Variants in NOC3L observed in about 807,000 individuals in gnomAD.
The protein encoded by NOC3L is nucleolar complex protein 3 homolog.
NOC3L carries 85 observed loss-of-function variants against 102.5 expected under a neutral mutation model. The ratio of observed to expected loss-of-function variants is 0.83; its 90% CI spans 0.70 to 0.99. The LOEUF (loss-of-function observed/expected upper bound fraction) is 0.99. Ranked by LOEUF, NOC3L falls within the 50% of genes least tolerant of loss-of-function variation. The pLI, the probability that NOC3L is intolerant of heterozygous loss-of-function variation, is 0.00. For missense variants in NOC3L, 878 were observed against 914.9 expected, an observed-to-expected ratio of 0.96 and a Z score of 0.52; for synonymous variants, 303 against 309.4, an observed-to-expected ratio of 0.98 and a Z score of 0.22.
At chr10:94,320,335 A>AAAAT in the NOC3L span, among the ~76,000 whole-genome samples, 5 of 151,878 alleles carry the variant, frequency 3.3e-5, no homozygotes, top group Non-Finnish European at 5.9e-5. Context: ...GAAAAAAGTT[A>AAAAT]AAATAGATTA....
chr10:94,325,020 CAAG>C, the NOC3L span: 1 of 1,614,160 alleles, frequency 6.2e-7, no homozygotes. Context: ...GTATCCAAAC[CAAG>C]GAGGAGAAAC....
At chr10:94,338,839 A>G (rs1371549506) in intron 17 of NOC3L, 103 bp from the exon 18 acceptor site, 42 of 975,270 alleles carry the variant, frequency 4.3e-5, no homozygotes, top group African/African-American at 1.8e-4. Context: ...ATGGTTGTAT[A>G]AGAGCTTTGC....
chr10:94,342,750 G>C (rs2054300553), intron 13 of NOC3L, among the ~76,000 whole-genome samples: 1 of 147,480 alleles, frequency 6.8e-6, no homozygotes, highest in African/African-American at 2.5e-5. Flanking sequence ...AAAAAAGCAA[G>C]TTACAGGACA....
chr10:94,344,923 G>A lies in NOC3L; in HGVS notation c.1400C>T (p.Ala467Val), dbSNP rs760527376. Residue 467 changes from alanine to valine, a missense_variant, in exon 12 of 21, where the codon GCA becomes GTA. Transcript: ENST00000371361. ...AAGCTCTCGCTCTAGTTTCTCTTCT[G>A]CTTTCTTCCACTGAAAATAGATTGA... ...LSRMQRKWKK[A>V]EEKLERELRE... 3 of 1,608,618 alleles carry A rather than the reference G, an allele frequency of 1.9e-6. No homozygotes were observed. The highest frequency in any genetic ancestry group is 1.1e-5 in the South Asian group (1 of 89,824).
At chr10:94,317,957 TAGAA>T in the NOC3L span, among the ~76,000 whole-genome samples, 330 of 152,326 alleles carry the variant, frequency 2.2e-3, no homozygotes, top group African/African-American at 7.6e-3. Context: ...GCTTGCCTGA[TAGAA>T]GGTGCCTCAG....
chr10:94,316,436 TAGAGTA>T, the NOC3L span: 4 of 719,804 alleles, frequency 5.6e-6, no homozygotes, highest in African/African-American at 5.2e-5. Context: ...TGCAATACTC[TAGAGTA>T]AATTTCACTT....
the NOC3L span, among the ~76,000 whole-genome samples, chr10:94,317,606 A>C: frequency 6.6e-6 from 1 of 152,214 alleles, no homozygotes; most frequent in Non-Finnish European, 1.5e-5. Flanking sequence ...GGCCTGAGTC[A>C]GAATTAGTAA....
downstream of NOC3L, chr10:94,330,960 A>G (rs1255620329): frequency 1.3e-5 from 2 of 152,230 alleles, no homozygotes; most frequent in Admixed American, 6.5e-5. Flanking sequence ...AGTTGGGGTC[A>G]TTACAAAATT....
the NOC3L span, among the ~76,000 whole-genome samples, chr10:94,322,643 G>A: frequency 2.6e-5 from 4 of 151,952 alleles, no homozygotes; most frequent in African/African-American, 9.7e-5. Flanking sequence ...AAATTAGCTG[G>A]GCGTGGTGGC....
chr10:94,348,200 T>G (rs2054368777), intron 10 of NOC3L, among the ~76,000 whole-genome samples: 1 of 150,400 alleles, frequency 6.6e-6, no homozygotes, highest in Non-Finnish European at 1.5e-5. Flanking sequence ...ATATTAAATC[T>G]GTACTCATAC....
At chr10:94,331,875 T>TA (rs1411272605), downstream of NOC3L, 1 of 150,192 alleles carries the variant, frequency 6.7e-6, no homozygotes, top group Non-Finnish European at 1.5e-5. Flanking sequence ...TATTCTTTTT[T>TA]TTTTTTTTTT....
chr10:94,327,961 A>G, the NOC3L span: 1 of 532,546 alleles, frequency 1.9e-6, no homozygotes, highest in Non-Finnish European at 3.9e-6. Context: ...TGTATACAAC[A>G]TTACAGGTGA....
At chr10:94,328,913 T>C (rs1004396619), downstream of NOC3L, 1 of 152,196 alleles carries the variant, frequency 6.6e-6, no homozygotes, top group Non-Finnish European at 1.5e-5. Context: ...ATCTACTGAA[T>C]TGCAATGTCT....
Position 94,333,414 on chromosome 10 carries a change from C to T in NOC3L, c.*763G>A, listed in dbSNP as rs2054181439. On this transcript the variant is annotated 3_prime_UTR_variant, in exon 21 of 21. Transcript: ENST00000371361. ...CCTGTTCCAAGAGGGGAAAAAAGCT[C>T]CTCATTGAGTATCCTTTGTCTCTAG... The T allele has an allele frequency of 6.6e-6, 1 of 152,134 alleles. No homozygotes were observed. The highest frequency in any genetic ancestry group is 2.4e-5 in the African/African-American group (1 of 41,432). 9.4% of individuals were successfully genotyped at this position (152,134 alleles called of 1,614,324 possible). A position where few individuals can be genotyped will look rare whatever the true frequency, so the allele number is the denominator to read the frequency against.
At chr10:94,358,001 C>T in intron 3 of NOC3L, 82 bp downstream of exon 3, 1 of 849,808 alleles carries the variant, frequency 1.2e-6, no homozygotes, top group South Asian at 1.4e-5. Context: ...AGGTGAACAC[C>T]TTGAACCACC....
intron 14 of NOC3L, among the ~76,000 whole-genome samples, chr10:94,340,793 A>G (rs886446663): frequency 4.6e-5 from 7 of 152,120 alleles, no homozygotes; most frequent in Admixed American, 3.9e-4. Flanking sequence ...CATCCTGGCT[A>G]ACACGGTGAA....
intron 7 of NOC3L, among the ~76,000 whole-genome samples, chr10:94,352,633 C>A (rs934922816): frequency 6.6e-6 from 1 of 152,006 alleles, no homozygotes; most frequent in Admixed American, 6.6e-5. Flanking sequence ...ACCAGCCTGG[C>A]CAACGTGGGG....
chr10:94,345,688 A>G (rs1014422117), intron 11 of NOC3L, among the ~76,000 whole-genome samples: 1 of 152,158 alleles, frequency 6.6e-6, no homozygotes, highest in African/African-American at 2.4e-5. Context: ...TCTTTTGTTC[A>G]CAATTATTAA....
intron 19 of NOC3L, among the ~76,000 whole-genome samples, chr10:94,335,876 A>G (rs1471360690): frequency 6.6e-6 from 1 of 152,182 alleles, no homozygotes; most frequent in African/African-American, 2.4e-5. Context: ...TAATGAGTAC[A>G]TTGTAAGGTG....
Sources: gnomAD v4.1 joint callset for allele counts (sites outside exome capture counted in the v4.1 genomes callset) on GRCh38, gnomAD v4.1.1 for gene constraint, MANE v1.5 for transcripts, NCBI Gene and HGNC (gene_info 2026-07-23, HGNC 2026-07-21) for gene names.